Variants in PLCB4 observed in about 807,000 individuals in gnomAD.
PLCB4 encodes the protein phospholipase C beta 4, also known as 1-phosphatidylinositol 4,5-bisphosphate phosphodiesterase beta-4.
PLCB4 carries 77 observed loss-of-function variants against 178.8 expected under a neutral mutation model. That is an observed-to-expected ratio of 0.43 (90% CI 0.36 to 0.52). The LOEUF is 0.52. Among genes scored for constraint, PLCB4 ranks in the 20% least tolerant of loss-of-function variants. The pLI, the probability that PLCB4 is intolerant of heterozygous loss-of-function variation, is 0.00. For synonymous variants in PLCB4, 496 were observed against 490.8 expected, an observed-to-expected ratio of 1.01 and a Z score of -0.14; for missense variants, 1,024 against 1,453.4, an observed-to-expected ratio of 0.70 and a Z score of 4.80.
chr20:9,413,005 G>T (rs971947666), intron 25 of PLCB4, among the ~76,000 whole-genome samples: 8 of 152,224 alleles, frequency 5.3e-5, no homozygotes, highest in Non-Finnish European at 7.3e-5. Flanking sequence ...GCACATTTCT[G>T]TGCAAAAGTG....
intron 2 of PLCB4, among the ~76,000 whole-genome samples, chr20:9,176,514 A>C (rs1438860812): frequency 6.6e-6 from 1 of 152,226 alleles, no homozygotes; most frequent in East Asian, 1.9e-4. Context: ...ACAAATAGAA[A>C]AAAACCTTAA....
At chr20:9,426,120 AT>A (rs1247726336) in intron 28 of PLCB4, among the ~76,000 whole-genome samples, 1 of 149,572 alleles carries the variant, frequency 6.7e-6, no homozygotes, top group Non-Finnish European at 1.5e-5. Flanking sequence ...AGAAAAAAAA[AT>A]GTTTTTTTTC....
At chr20:9,421,148 G>T (rs1002257481) in intron 26 of PLCB4, 149 bp from the exon 27 acceptor site, 7 of 556,590 alleles carry the variant, frequency 1.3e-5, no homozygotes, top group Admixed American at 6.6e-5. Flanking sequence ...ATAATGTTTT[G>T]GTTTGATAGA....
chr20:9,471,189 TA>T (rs1291768124), intron 36 of PLCB4, among the ~76,000 whole-genome samples: 11 of 152,168 alleles, frequency 7.2e-5, no homozygotes, highest in Admixed American at 3.3e-4. Context: ...TAGATGCATA[TA>T]TTTTTTAAAA....
intron 34 of PLCB4, 130 bp downstream of exon 34, chr20:9,457,619 G>C (rs1222694427): frequency 1.6e-6 from 1 of 636,406 alleles, no homozygotes; most frequent in Admixed American, 2.8e-5. Flanking sequence ...GCTGATCTGG[G>C]ATGTCAGGGG....
At chr20:9,256,816 C>A (rs2147517962) in intron 3 of PLCB4, among the ~76,000 whole-genome samples, 1 of 152,292 alleles carries the variant, frequency 6.6e-6, no homozygotes, top group African/African-American at 2.4e-5. Context: ...GAATGGTTTT[C>A]TTCAGAAATA....
chr20:9,119,517 A>AG lies in PLCB4; in HGVS notation c.-79+23176dup, dbSNP rs942603436. 2.7e-5 allele frequency among the ~76,000 whole-genome samples: 3 copies of AG among 110,484 alleles called. No individual in the cohort carries two copies. In the Admixed American group the frequency reaches 2.7e-4, roughly 10 times the overall value. 72.5% of individuals were successfully genotyped at this position (110,484 alleles called of 152,430 possible). ...CTCTTACAGTGTATAAAGAGAAAGGAGAAAAAAAAAAAAAACAAAGTAGTC... is the reference window on the plus strand; with the variant it reads ...CTCTTACAGTGTATAAAGAGAAAGGAGGAAAAAAAAAAAAAACAAAGTAGTC... On this transcript the variant is annotated intron_variant, in intron 2 of 39. Coordinates refer to ENST00000378473, the MANE Select transcript of PLCB4 (RefSeq NM_001377142.1).
intron 4 of PLCB4, among the ~76,000 whole-genome samples, chr20:9,319,768 C>A (rs77565263): frequency 0.013 from 1,916 of 152,292 alleles, 35 homozygotes; most frequent in African/African-American, 0.044. Context: ...TTTATTCATT[C>A]CATCAATTCA....
chr20:9,216,942 AATACGGAAACAGCC>A (rs1311650588), intron 2 of PLCB4, among the ~76,000 whole-genome samples: 1 of 152,208 alleles, frequency 6.6e-6, no homozygotes, highest in Non-Finnish European at 1.5e-5. Flanking sequence ...TAACAAAGAC[AATACGGAAACAGCC>A]ATAAAAAAAG....
intron 2 of PLCB4, among the ~76,000 whole-genome samples, chr20:9,142,707 G>T (rs1180426751): frequency 6.6e-6 from 1 of 152,118 alleles, no homozygotes; most frequent in Non-Finnish European, 1.5e-5. Flanking sequence ...CCTGGATTCT[G>T]CAGTAGCCTT....
chr20:9,398,990 CA>C (rs2038822730), intron 19 of PLCB4, among the ~76,000 whole-genome samples: 1 of 152,104 alleles, frequency 6.6e-6, no homozygotes, highest in Admixed American at 6.5e-5. Context: ...CATAGATATG[CA>C]AAAATACTTT....
intron 7 of PLCB4, among the ~76,000 whole-genome samples, chr20:9,354,923 A>G (rs1486473972): frequency 6.6e-6 from 1 of 152,196 alleles, no homozygotes; most frequent in East Asian, 1.9e-4. Flanking sequence ...CACATCATCT[A>G]GTTCAATTGT....
chr20:9,154,270 C>T (rs914679893), intron 2 of PLCB4, among the ~76,000 whole-genome samples: 81 of 152,272 alleles, frequency 5.3e-4, no homozygotes, highest in African/African-American at 1.9e-3. Context: ...AATATTTGGT[C>T]ACATGGTCAC....
At chr20:9,230,175 A>G (rs2093916631) in intron 3 of PLCB4, among the ~76,000 whole-genome samples, 1 of 151,974 alleles carries the variant, frequency 6.6e-6, no homozygotes, top group African/African-American at 2.4e-5. Flanking sequence ...TTTGTGTCCA[A>G]ATTTCCTTTT....
At chr20:9,307,990 T>G (rs2094790578) in intron 4 of PLCB4, 92 bp downstream of exon 4, 1 of 557,182 alleles carries the variant, frequency 1.8e-6, no homozygotes, top group Non-Finnish European at 3.1e-6. Context: ...TTGACATAAG[T>G]AAGAACATCT....
At chr20:9,100,317 TTCTA>T (rs1352136677) in intron 2 of PLCB4, among the ~76,000 whole-genome samples, 1 of 152,230 alleles carries the variant, frequency 6.6e-6, no homozygotes, top group Non-Finnish European at 1.5e-5. Flanking sequence ...GTCTCCCTTG[TTCTA>T]ATGGACATCC....
intron 2 of PLCB4, among the ~76,000 whole-genome samples, chr20:9,211,052 C>T (rs2093667396): frequency 6.6e-6 from 1 of 152,156 alleles, no homozygotes; most frequent in Non-Finnish European, 1.5e-5. Flanking sequence ...ATGATTTGGG[C>T]TAACACAGTG....
At chr20:9,100,369 T>A (rs2091095653) in intron 2 of PLCB4, among the ~76,000 whole-genome samples, 2 of 152,196 alleles carry the variant, frequency 1.3e-5, no homozygotes, top group Admixed American at 6.5e-5. Flanking sequence ...TTTAATTTTA[T>A]TTGTTATTGT....
intron 1 of PLCB4, among the ~76,000 whole-genome samples, chr20:9,079,245 G>A (rs2090028274): frequency 6.6e-6 from 1 of 152,186 alleles, no homozygotes; most frequent in Non-Finnish European, 1.5e-5. Context: ...GGGAACAGAT[G>A]GCATGTGTAC....
Sources: gnomAD v4.1 joint callset for allele counts (sites outside exome capture counted in the v4.1 genomes callset) on GRCh38, gnomAD v4.1.1 for gene constraint, MANE v1.5 for transcripts, NCBI Gene and HGNC (gene_info 2026-07-23, HGNC 2026-07-21) for gene names.